PTPRJ: variants seen among roughly 807,000 people sequenced by gnomAD.
The protein encoded by PTPRJ is receptor-type tyrosine-protein phosphatase eta.
In PTPRJ, 129 loss-of-function variants were observed where a neutral mutation model predicts 141.3. The observed-to-expected ratio is 0.91, with a 90% CI of 0.79 to 1.06. The LOEUF (loss-of-function observed/expected upper bound fraction) is 1.06. PTPRJ is among the 50% of genes least tolerant of loss of function. The probability of loss-of-function intolerance (pLI) is 0.00; values close to 1 mark genes in which losing one functional copy is unlikely to be tolerated. For missense variants in PTPRJ, 1,601 were observed against 1,679.7 expected, an observed-to-expected ratio of 0.95 and a Z score of 0.82; for synonymous variants, 610 against 640.5, an observed-to-expected ratio of 0.95 and a Z score of 0.72.
intron 8 of PTPRJ, among the ~76,000 whole-genome samples, chr11:48,133,120 A>G (rs530915098): frequency 5.3e-5 from 8 of 152,316 alleles, no homozygotes; most frequent in African/African-American, 9.6e-5. Context: ...ACACAACTTC[A>G]TGGAGCAGGT....
intron 1 of PTPRJ, among the ~76,000 whole-genome samples, chr11:48,049,583 G>T (rs887153744): frequency 2.0e-5 from 3 of 147,576 alleles, no homozygotes; most frequent in African/African-American, 8.0e-5. Context: ...GTGTGGTGGC[G>T]CACTTTTGTA....
intron 1 of PTPRJ, among the ~76,000 whole-genome samples, chr11:48,104,179 T>C (rs7106202): frequency 0.97 from 146,950 of 152,250 alleles, 70,947 homozygotes; most frequent in East Asian, 1. Flanking sequence ...GCCTTTTGGA[T>C]GGGAGATAGG....
At chr11:48,159,619 G>T (rs1042344683) in intron 21 of PTPRJ, among the ~76,000 whole-genome samples, 1 of 152,216 alleles carries the variant, frequency 6.6e-6, no homozygotes, top group Non-Finnish European at 1.5e-5. Flanking sequence ...TCCAACAGGT[G>T]CTGTGGTGTG....
Position 48,143,136 on chromosome 11 carries a change from A to G in PTPRJ, c.2575+86A>G, listed in dbSNP as rs993879743. 11 of 1,507,756 alleles carry G rather than the reference A, an allele frequency of 7.3e-6. No individual in the cohort carries two copies. The Admixed American group carries it at 1.5e-4, about 20-fold the overall frequency. 93.4% of individuals were successfully genotyped at this position (1,507,756 alleles called of 1,614,324 possible). ...CTGTGCCCACTGAGGCATGTGAGTAATGCAGACACACGCCTGTCTTCTCAC... is the reference window on the plus strand; with the variant it reads ...CTGTGCCCACTGAGGCATGTGAGTAGTGCAGACACACGCCTGTCTTCTCAC... On this transcript the variant is annotated intron_variant, in intron 12 of 24. Transcript: ENST00000418331.
At chr11:47,991,972 T>G (rs1232846434) in intron 1 of PTPRJ, among the ~76,000 whole-genome samples, 2 of 152,160 alleles carry the variant, frequency 1.3e-5, no homozygotes, top group African/African-American at 4.8e-5. Context: ...AAAAATTAAA[T>G]TTTTTTAATC....
chr11:48,036,026 A>G (rs1854116247), intron 1 of PTPRJ, among the ~76,000 whole-genome samples: 1 of 152,236 alleles, frequency 6.6e-6, no homozygotes, highest in South Asian at 2.1e-4. Context: ...GGTCTACTTA[A>G]TAGTGCATTC....
intron 1 of PTPRJ, among the ~76,000 whole-genome samples, chr11:47,996,199 G>A (rs541617544): frequency 6.6e-6 from 1 of 151,950 alleles, no homozygotes; most frequent in South Asian, 2.1e-4. Context: ...GCTGGGCATG[G>A]TGGTGGGTGC....
At chr11:48,091,928 C>T (rs1019980294) in intron 1 of PTPRJ, among the ~76,000 whole-genome samples, 7 of 152,160 alleles carry the variant, frequency 4.6e-5, no homozygotes, top group African/African-American at 1.7e-4. Context: ...TAAGCCTCCC[C>T]TGTGAAGCTG....
intron 7 of PTPRJ, among the ~76,000 whole-genome samples, chr11:48,128,877 T>C (rs1856903825): frequency 6.6e-6 from 1 of 152,234 alleles, no homozygotes; most frequent in Admixed American, 6.5e-5. Flanking sequence ...CTTAGCATTC[T>C]TATAGATGTA....
intron 24 of PTPRJ, among the ~76,000 whole-genome samples, chr11:48,165,941 ACCTCTGCCT>A (rs1425172107): frequency 6.6e-6 from 1 of 150,700 alleles, no homozygotes; most frequent in East Asian, 2.0e-4. Context: ...GCTCACTGCA[ACCTCTGCCT>A]CCTGGGTTCA....
chr11:48,082,562 A>G (rs576841269), intron 1 of PTPRJ, among the ~76,000 whole-genome samples: 4 of 145,526 alleles, frequency 2.7e-5, no homozygotes, highest in African/African-American at 1.0e-4. Flanking sequence ...TTTTTTATTT[A>G]TTTATTTTTT....
intron 1 of PTPRJ, among the ~76,000 whole-genome samples, chr11:48,067,988 A>G (rs2134268732): frequency 6.6e-6 from 1 of 152,368 alleles, no homozygotes; most frequent in East Asian, 1.9e-4. Flanking sequence ...TCTGCTAATT[A>G]TATGACTGGG....
At chr11:47,987,568 G>A (rs1318364224) in intron 1 of PTPRJ, among the ~76,000 whole-genome samples, 2 of 152,208 alleles carry the variant, frequency 1.3e-5, no homozygotes, top group Non-Finnish European at 2.9e-5. Context: ...GACTGTGAAT[G>A]ACATCCCTGC....
chr11:48,089,030 C>A (rs529891550), intron 1 of PTPRJ, among the ~76,000 whole-genome samples: 7 of 103,292 alleles, frequency 6.8e-5, no homozygotes, highest in Non-Finnish European at 1.5e-4. Flanking sequence ...CATTTTTCAT[C>A]CCCGGTTAGC....
At chr11:48,102,445 G>A (rs927017130) in intron 1 of PTPRJ, among the ~76,000 whole-genome samples, 2 of 151,816 alleles carry the variant, frequency 1.3e-5, no homozygotes, top group Admixed American at 1.3e-4. Flanking sequence ...TTTTGCTCTT[G>A]TTGCCCAGGC....
At chr11:48,122,595 G>A (rs944817655) in intron 4 of PTPRJ, among the ~76,000 whole-genome samples, 1 of 152,162 alleles carries the variant, frequency 6.6e-6, no homozygotes, top group African/African-American at 2.4e-5. Context: ...TCAAGTGGTG[G>A]GGCTGGAACC....
chr11:48,010,471 C>T (rs749187260), intron 1 of PTPRJ, among the ~76,000 whole-genome samples: 24 of 151,878 alleles, frequency 1.6e-4, no homozygotes, highest in Admixed American at 4.6e-4. Context: ...AACCACTGCG[C>T]GGCCCATTAG....
At chr11:48,138,481 GCTT>G (rs1434040986) in intron 10 of PTPRJ, among the ~76,000 whole-genome samples, 1 of 152,142 alleles carries the variant, frequency 6.6e-6, no homozygotes, top group Non-Finnish European at 1.5e-5. Flanking sequence ...CCTTGGTAGA[GCTT>G]CTCCTGCTCT....
At chr11:48,141,359 G>A (rs1349428698) in intron 11 of PTPRJ, among the ~76,000 whole-genome samples, 1 of 151,944 alleles carries the variant, frequency 6.6e-6, no homozygotes, top group East Asian at 1.9e-4. Context: ...CAATCATGGA[G>A]GCCATCCATG....
Sources: gnomAD v4.1 joint callset for allele counts (sites outside exome capture counted in the v4.1 genomes callset) on GRCh38, gnomAD v4.1.1 for gene constraint, MANE v1.5 for transcripts, NCBI Gene and HGNC (gene_info 2026-07-23, HGNC 2026-07-21) for gene names.